The following COQ4 variants were observed in gnomAD, a reference collection of about 807,000 sequenced individuals.
The protein encoded by COQ4 is ubiquinone biosynthesis protein COQ4 homolog, mitochondrial.
A neutral mutation model predicts 30.2 loss-of-function variants in COQ4; 36 were observed. That is an observed-to-expected ratio of 1.19 (90% CI 0.91 to 1.57). The LOEUF is 1.57. Ranked by LOEUF, COQ4 falls within the 40% of genes most tolerant of loss-of-function variation. The probability of loss-of-function intolerance (pLI) is 0.00; values close to 1 mark genes in which losing one functional copy is unlikely to be tolerated. For synonymous variants in COQ4, 197 were observed against 161.0 expected (o/e 1.22, Z -1.69); for missense variants, 369 against 371.9 (o/e 0.99, Z 0.07).
At chr9:128,330,685 G>T (rs1160750492) in intron 4 of COQ4, 1 of 151,836 alleles carries the variant, frequency 6.6e-6, no homozygotes, top group Non-Finnish European at 1.5e-5. Flanking sequence ...GGTCAGGCTG[G>T]CCTTGAGCTC....
At chr9:128,332,346 G>A in intron 5 of COQ4, 64 bp downstream of exon 5, 18 of 1,572,254 alleles carry the variant, frequency 1.1e-5, no homozygotes, top group Non-Finnish European at 1.4e-5. Context: ...GGCAGGGCTT[G>A]CCTATCTCCA....
At position 128,325,151 on chromosome 9, in the gene COQ4, G is replaced by A. The variant is rs759101401; in HGVS notation, c.211G>A (p.Ala71Thr). Residue 71 changes from alanine (A) to threonine (T), a missense_variant, in exon 3 of 7, where the codon GCA (alanine) becomes ACA (threonine). Transcript: ENST00000300452. ...CGTTTCTGTCCTTTCAGACATGGTC[G>A]CAGTTCTAGGGGAGACCACAGGACA... ...LYNPYRHDMV[A>T]VLGETTGHRT... The A allele has an allele frequency of 2.5e-6, 4 of 1,612,526 alleles. No homozygotes were observed. The highest frequency in any genetic ancestry group is 2.7e-5 in the African/African-American group (2 of 75,000).
At position 128,333,048 on chromosome 9, in the gene COQ4, C is replaced by A. The variant is rs919782004; in HGVS notation, c.626+105C>A. 6 of 804,630 alleles carry A rather than the reference C, an allele frequency of 7.5e-6. No individual in the cohort carries two copies. In the Admixed American group the frequency reaches 7.9e-5, roughly 11 times the overall value. 49.8% of individuals were successfully genotyped at this position (804,630 alleles called of 1,614,324 possible). A position where few individuals can be genotyped will look rare whatever the true frequency, so the allele number is the denominator to read the frequency against. ...TAGGAAGAGCACACGGGCCCCTGCA[C>A]AGCCCGTTCCAGTTCTCCAGGAAGT... On this transcript the variant is annotated intron_variant, in intron 6 of 6. Transcript: ENST00000300452.
intron 4 of COQ4, chr9:128,331,515 C>T (rs1471621383): frequency 6.6e-6 from 1 of 152,108 alleles, no homozygotes; most frequent in Admixed American, 6.6e-5. Context: ...GGAGAGAACA[C>T]CCCAAGCTGG....
At position 128,328,899 on chromosome 9, in the gene COQ4, A is replaced by G. The variant is rs1832362857; in HGVS notation, c.402+3018A>G. Among the ~76,000 whole-genome samples, 3 of 152,212 alleles carry G rather than the reference A, an allele frequency of 2.0e-5. No individual in the cohort carries two copies. The South Asian group carries it at 6.2e-4, about 31-fold the overall frequency. On this transcript the variant is annotated intron_variant, in intron 4 of 6. Coordinates refer to ENST00000300452, the MANE Select transcript of COQ4 (RefSeq NM_016035.5). ...ACAGGACTGCTAGGACACCTTGCTC[A>G]GCCACAGCCCCACTTGTAACCGCGC...
intron 4 of COQ4, chr9:128,330,610 C>G (rs1389645324): frequency 6.6e-6 from 1 of 151,556 alleles, no homozygotes; most frequent in Admixed American, 6.6e-5. Flanking sequence ...TCTCTTGTCT[C>G]AGCCTCCCAA....
intron 4 of COQ4, among the ~76,000 whole-genome samples, chr9:128,329,730 G>A (rs1832375726): frequency 6.6e-6 from 1 of 152,162 alleles, no homozygotes; most frequent in Non-Finnish European, 1.5e-5. Flanking sequence ...TTGCAAGGAT[G>A]AAAGGATAAT....
At chr9:128,325,001 T>G (rs1240227239) in intron 2 of COQ4, 142 bp from the exon 3 acceptor site, 1 of 608,586 alleles carries the variant, frequency 1.6e-6, no homozygotes, top group African/African-American at 1.8e-5. Flanking sequence ...CTGGGTAATT[T>G]GCTAAGTGTT....
chr9:128,330,160 G>A (rs1832381144), intron 4 of COQ4, among the ~76,000 whole-genome samples: 1 of 151,342 alleles, frequency 6.6e-6, no homozygotes, highest in South Asian at 2.1e-4. Flanking sequence ...CACGAAGTCA[G>A]GAGTTTGAGA....
At chr9:128,323,812 T>A (rs1017060842) in intron 2 of COQ4, among the ~76,000 whole-genome samples, 1 of 152,026 alleles carries the variant, frequency 6.6e-6, no homozygotes, top group African/African-American at 2.4e-5. Context: ...AAGAATTAAT[T>A]GGGGCTGGTT....
At chr9:128,328,074 C>T (rs955912538) in intron 4 of COQ4, among the ~76,000 whole-genome samples, 2 of 152,188 alleles carry the variant, frequency 1.3e-5, no homozygotes, top group African/African-American at 4.8e-5. Context: ...ATGGCAAGGG[C>T]AAAGGCCCCT....
At chr9:128,332,614 G>A (rs1206543516) in intron 5 of COQ4, 1 of 591,078 alleles carries the variant, frequency 1.7e-6, no homozygotes, top group African/African-American at 1.9e-5. Context: ...GGGTCATGGG[G>A]TCCTCTGCGC....
At chr9:128,328,529 T>G (rs114803178) in intron 4 of COQ4, among the ~76,000 whole-genome samples, 173 of 152,286 alleles carry the variant, frequency 1.1e-3, no homozygotes, top group African/African-American at 4.0e-3. Flanking sequence ...ATCCCTGGCT[T>G]CTACCCACTG....
At chr9:128,332,521 C>T in intron 5 of COQ4, 1 of 589,792 alleles carries the variant, frequency 1.7e-6, no homozygotes, top group Non-Finnish European at 3.0e-6. Flanking sequence ...TCTTTTTAGG[C>T]TTTAGCTGCC....
rs939041210 is a variant in COQ4 at position 128,332,847 on chromosome 9, C to G, written c.533-3C>G. On this transcript the variant is annotated splice_region_variant and splice_polypyrimidine_tract_variant and intron_variant, in intron 5 of 6. Coordinates refer to ENST00000300452, the MANE Select transcript of COQ4 (RefSeq NM_016035.5). ...CACCTCCCAACACATCCCTCACCCA[C>G]AGGGGAGATCGTGGTGAAATGGTTT... 23 of 1,611,770 alleles carry G rather than the reference C, an allele frequency of 1.4e-5. No homozygotes were observed. The highest frequency in any genetic ancestry group is 2.0e-5 in the Non-Finnish European group (23 of 1,177,788).
chr9:128,331,682 C>T (rs1404622195), intron 4 of COQ4: 1 of 153,334 alleles, frequency 6.5e-6, no homozygotes, highest in African/African-American at 2.4e-5. Context: ...GTAGCTGGGA[C>T]TATAGGCACA....
chr9:128,333,377 C>A, intron 6 of COQ4, 97 bp from the exon 7 acceptor site: 1 of 1,154,492 alleles, frequency 8.7e-7, no homozygotes, highest in Non-Finnish European at 1.2e-6. Context: ...CTTCCGAGGC[C>A]TTTGTGAGGA....
intron 4 of COQ4, 85 bp downstream of exon 4, chr9:128,325,966 C>T (rs764404417): frequency 2.6e-6 from 3 of 1,175,220 alleles, no homozygotes; most frequent in Admixed American, 3.7e-5. Context: ...GAAAGAGGAG[C>T]CCTGAGCTGC....
Position 128,333,732 on chromosome 9 carries a change from C to A in COQ4, c.*87C>A. 1 of 1,163,236 alleles carries A rather than the reference C, an allele frequency of 8.6e-7. No individual in the cohort carries two copies. The highest frequency in any genetic ancestry group is 1.6e-5 in the African/African-American group (1 of 63,138). The allele number at this position is 1,163,236 out of a possible 1,614,324, so 72.1% of individuals were successfully genotyped here. A position where few individuals can be genotyped will look rare whatever the true frequency, so the allele number is the denominator to read the frequency against. ...GGCTCCCTTGACTACCTTTGTTCCT[C>A]TTCTTTGAACACTGACCCTTGGACA... On this transcript the variant is annotated 3_prime_UTR_variant, in exon 7 of 7. Transcript: ENST00000300452.
Sources: allele counts gnomAD v4.1 joint callset (sites outside exome capture counted in the v4.1 genomes callset), GRCh38; gene constraint gnomAD v4.1.1; transcripts MANE v1.5; gene names NCBI Gene and HGNC (gene_info 2026-07-23, HGNC 2026-07-21).